PRKG1: variants seen among roughly 807,000 people sequenced by gnomAD.
PRKG1 encodes the protein cGMP-dependent protein kinase 1.
A neutral mutation model predicts 88.1 loss-of-function variants in PRKG1; 35 were observed. That is an observed-to-expected ratio of 0.40 (90% CI 0.30 to 0.53). PRKG1 has a LOEUF of 0.53. PRKG1 is among the 20% of genes least tolerant of loss of function. The pLI is 0.59. For synonymous variants in PRKG1, 303 were observed against 292.5 expected, an observed-to-expected ratio of 1.04 and a Z score of -0.37; for missense variants, 540 against 839.8, an observed-to-expected ratio of 0.64 and a Z score of 4.41.
At chr10:51,497,550 G>A (rs1840895215) in intron 3 of PRKG1, among the ~76,000 whole-genome samples, 1 of 152,184 alleles carries the variant, frequency 6.6e-6, no homozygotes, top group Non-Finnish European at 1.5e-5. Flanking sequence ...TGAATACAGA[G>A]AAATTTTCAA....
chr10:52,192,753 A>T (rs1267828686), intron 9 of PRKG1, among the ~76,000 whole-genome samples: 1 of 151,880 alleles, frequency 6.6e-6, no homozygotes, highest in Non-Finnish European at 1.5e-5. Context: ...AAGAAAAAAA[A>T]TATATATTTG....
chr10:52,045,277 A>AGGC, intron 5 of PRKG1, among the ~76,000 whole-genome samples: 1 of 152,036 alleles, frequency 6.6e-6, no homozygotes, highest in South Asian at 2.1e-4. Context: ...GATCAGGCTG[A>AGGC]TTTATAGAGC....
chr10:51,807,503 G>C (rs370543901), intron 4 of PRKG1, among the ~76,000 whole-genome samples: 6 of 152,182 alleles, frequency 3.9e-5, no homozygotes, highest in East Asian at 1.9e-4. Context: ...GAGCCTTTCT[G>C]AATGAAGTCC....
intron 3 of PRKG1, among the ~76,000 whole-genome samples, chr10:51,701,315 T>C (rs1564613465): frequency 6.6e-6 from 1 of 152,252 alleles, no homozygotes; most frequent in South Asian, 2.1e-4. Flanking sequence ...AATTGTATTA[T>C]GTATCTTCAG....
chr10:52,253,391 G>A (rs1841228799), intron 10 of PRKG1: 1 of 151,900 alleles, frequency 6.6e-6, no homozygotes, highest in South Asian at 2.1e-4. Flanking sequence ...ATCATTTCAA[G>A]CTAGAGAACT....
At chr10:51,100,146 G>A (rs750876332) in intron 1 of PRKG1, among the ~76,000 whole-genome samples, 13 of 152,024 alleles carry the variant, frequency 8.6e-5, no homozygotes, top group East Asian at 1.9e-4. Flanking sequence ...CTCCTGCCTC[G>A]GCCTCCCAAA....
At chr10:52,191,351 A>G (rs1255945792) in intron 9 of PRKG1, among the ~76,000 whole-genome samples, 2 of 148,680 alleles carry the variant, frequency 1.3e-5, no homozygotes, top group African/African-American at 2.5e-5. Flanking sequence ...TTTTTCTTAC[A>G]GAGATGGGGT....
At chr10:51,113,944 CGTGTGTGTGTGTGTGTGTGT>C (rs35562284) in intron 1 of PRKG1, among the ~76,000 whole-genome samples, 1 of 139,028 alleles carries the variant, frequency 7.2e-6, no homozygotes. Context: ...AGCCTGTAAA[CGTGTGTGTGTGTGTGTGTGT>C]GTGTGTGTGT....
chr10:52,288,892 A>G (rs779376698), intron 15 of PRKG1, 39 bp from the exon 16 acceptor site: 4 of 1,593,684 alleles, frequency 2.5e-6, no homozygotes, highest in African/African-American at 1.4e-5. Context: ...TCATAATGTG[A>G]AAAAATTAGA....
chr10:52,218,914 A>G (rs1367396883), intron 9 of PRKG1, among the ~76,000 whole-genome samples: 1 of 152,180 alleles, frequency 6.6e-6, no homozygotes, highest in Non-Finnish European at 1.5e-5. Flanking sequence ...GAAACAAAAT[A>G]TAAGAGAATA....
At chr10:51,573,951 C>G (rs1281638462) in intron 3 of PRKG1, among the ~76,000 whole-genome samples, 2 of 151,854 alleles carry the variant, frequency 1.3e-5, no homozygotes, top group African/African-American at 4.8e-5. Flanking sequence ...TAGAAATAGA[C>G]AAGAAGCACT....
intron 2 of PRKG1, among the ~76,000 whole-genome samples, chr10:51,406,931 T>G (rs1189958163): frequency 6.6e-6 from 1 of 152,146 alleles, no homozygotes; most frequent in Non-Finnish European, 1.5e-5. Context: ...GGAGGACCAG[T>G]CCGAGTTCCA....
At chr10:51,309,678 A>T (rs1215605006) in intron 2 of PRKG1, among the ~76,000 whole-genome samples, 4 of 152,204 alleles carry the variant, frequency 2.6e-5, no homozygotes, top group Non-Finnish European at 4.4e-5. Flanking sequence ...TATGGAAAAC[A>T]GTTTGGAGAT....
At chr10:51,093,160 T>C (rs1844438996) in intron 1 of PRKG1, among the ~76,000 whole-genome samples, 1 of 152,168 alleles carries the variant, frequency 6.6e-6, no homozygotes, top group Non-Finnish European at 1.5e-5. Flanking sequence ...GACAAACAGC[T>C]TCAGCGTCAC....
intron 3 of PRKG1, among the ~76,000 whole-genome samples, chr10:51,684,445 G>A (rs1840933636): frequency 6.6e-6 from 1 of 152,016 alleles, no homozygotes; most frequent in Admixed American, 6.6e-5. Flanking sequence ...CATTACATTG[G>A]ATGCTTTAAA....
intron 9 of PRKG1, among the ~76,000 whole-genome samples, chr10:52,250,836 A>G (rs186017421): frequency 1.9e-4 from 29 of 152,268 alleles, no homozygotes; most frequent in Non-Finnish European, 4.1e-4. Flanking sequence ...ATGTGTGCAT[A>G]GTTAGACTTT....
At chr10:52,065,628 T>G (rs1365967226) in intron 7 of PRKG1, among the ~76,000 whole-genome samples, 1 of 152,210 alleles carries the variant, frequency 6.6e-6, no homozygotes, top group African/African-American at 2.4e-5. Flanking sequence ...TCCTTTTTTC[T>G]CCTACTGAGT....
chr10:52,008,601 A>G (rs1449715303), intron 5 of PRKG1, among the ~76,000 whole-genome samples: 2 of 152,172 alleles, frequency 1.3e-5, no homozygotes, highest in Non-Finnish European at 2.9e-5. Context: ...GAACAGACTA[A>G]TAACAAGTTC....
intron 8 of PRKG1, among the ~76,000 whole-genome samples, chr10:52,142,429 G>T (rs141597121): frequency 1.3e-5 from 2 of 152,078 alleles, no homozygotes; most frequent in Admixed American, 6.6e-5. Flanking sequence ...TGAATAAATC[G>T]TATGATAGTC....
Sources: gnomAD v4.1 joint callset for allele counts (sites outside exome capture counted in the v4.1 genomes callset) on GRCh38, gnomAD v4.1.1 for gene constraint, MANE v1.5 for transcripts, NCBI Gene and HGNC (gene_info 2026-07-23, HGNC 2026-07-21) for gene names.